SYT1: variants seen among roughly 807,000 people sequenced by gnomAD.
The protein encoded by SYT1 is synaptotagmin 1.
Under a neutral mutation model 44.8 loss-of-function variants are expected in SYT1, and 8 were observed. The observed-to-expected ratio is 0.18, with a 90% CI of 0.10 to 0.32. The LOEUF (loss-of-function observed/expected upper bound fraction) is 0.32, where lower values mean the gene tolerates loss of function less well. Ranked by LOEUF, SYT1 falls within the 10% of genes least tolerant of loss-of-function variation. SYT1 has a pLI of 1.00. For missense variants in SYT1, 286 were observed against 509.3 expected (o/e 0.56, Z 4.22); for synonymous variants, 154 against 188.8 (o/e 0.82, Z 1.51).
At chr12:78,959,656 A>C (rs958557483) in intron 1 of SYT1, among the ~76,000 whole-genome samples, 3 of 152,198 alleles carry the variant, frequency 2.0e-5, no homozygotes, top group Non-Finnish European at 2.9e-5. Context: ...CTAGCCTCTT[A>C]TTACAAACAA....
chr12:78,981,877 A>G (rs529828010), intron 2 of SYT1, among the ~76,000 whole-genome samples: 26 of 152,160 alleles, frequency 1.7e-4, no homozygotes, highest in Middle Eastern at 6.8e-3. Context: ...ACCATTTCTC[A>G]TTTATTTTCT....
At position 79,276,630 on chromosome 12, in the gene SYT1, C is replaced by A. The variant is rs146055895; in HGVS notation, c.167-9157C>A. Among the ~76,000 whole-genome samples the A allele has an allele frequency of 4.0e-3, 595 of 150,300 alleles. 4 individuals are homozygous for A. Among genetic ancestry groups the A allele is most frequent in the African/African-American group, 0.013 (550 of 40,878 alleles). On this transcript the variant is annotated intron_variant, in intron 4 of 10. Coordinates refer to ENST00000261205, the MANE Select transcript of SYT1 (RefSeq NM_005639.3). ...GGCAGAGGTTGCAGTGAGCTAAGAT[C>A]GCGCCACTGCACTCTAGCCTGGTGA...
intron 3 of SYT1, among the ~76,000 whole-genome samples, chr12:79,157,375 GA>G (rs1249181739): frequency 6.6e-6 from 1 of 152,130 alleles, no homozygotes; most frequent in Non-Finnish European, 1.5e-5. Context: ...GACACTAGGT[GA>G]AAAAACCAAA....
chr12:79,345,621 A>C (rs1373595298), intron 8 of SYT1, among the ~76,000 whole-genome samples: 1 of 152,230 alleles, frequency 6.6e-6, no homozygotes, highest in Non-Finnish European at 1.5e-5. Flanking sequence ...GCCTGAACAC[A>C]TTACACAGCA....
intron 3 of SYT1, among the ~76,000 whole-genome samples, chr12:79,163,223 C>A (rs1871053703): frequency 6.6e-6 from 1 of 152,080 alleles, no homozygotes; most frequent in African/African-American, 2.4e-5. Flanking sequence ...AGAACTCCAG[C>A]CTTAAGTCCT....
intron 9 of SYT1, among the ~76,000 whole-genome samples, chr12:79,418,939 G>C (rs61927384): frequency 1.3e-5 from 2 of 152,070 alleles, no homozygotes; most frequent in Admixed American, 1.3e-4. Context: ...AGAATTTCTG[G>C]GGGAATGGCC....
intron 2 of SYT1, among the ~76,000 whole-genome samples, chr12:79,033,657 AC>A (rs1445027430): frequency 6.6e-6 from 1 of 151,344 alleles, no homozygotes; most frequent in Non-Finnish European, 1.5e-5. Context: ...CTTCATAAGT[AC>A]TCCAACTTCC....
chr12:78,905,829 A>G (rs974579452), intron 1 of SYT1, among the ~76,000 whole-genome samples: 1 of 152,190 alleles, frequency 6.6e-6, no homozygotes, highest in Non-Finnish European at 1.5e-5. Context: ...GTTGTAAATA[A>G]TGTAAAATCT....
intron 1 of SYT1, among the ~76,000 whole-genome samples, chr12:78,961,917 CCAAT>C (rs1879524892): frequency 6.6e-6 from 1 of 152,062 alleles, no homozygotes; most frequent in Non-Finnish European, 1.5e-5. Context: ...TTACTAAGAA[CCAAT>C]CAAAGATAAA....
Position 78,970,921 on chromosome 12 carries a change from G to A in SYT1, c.-216-6878G>A, listed in dbSNP as rs369817598. ...TGAAATCAAGAATTATAGCTAAGTA[G>A]GTGGATCACCTGAGGTCAAGAGCTC... is the stretch of plus-strand genomic sequence containing the variant. On this transcript the variant is annotated intron_variant, in intron 1 of 10. Coordinates refer to ENST00000261205, the MANE Select transcript of SYT1 (RefSeq NM_005639.3). Among the ~76,000 whole-genome samples, 23 of 152,242 alleles carry A rather than the reference G, an allele frequency of 1.5e-4. 1 individual carries two copies. Among genetic ancestry groups the A allele is most frequent in the Admixed American group, 7.2e-4 (11 of 15,286 alleles).
At chr12:79,250,452 A>G (rs1490869174) in intron 4 of SYT1, among the ~76,000 whole-genome samples, 1 of 152,256 alleles carries the variant, frequency 6.6e-6, no homozygotes, top group African/African-American at 2.4e-5. Flanking sequence ...GTCCAGCAAG[A>G]ACAGACCACT....
chr12:79,128,618 A>G (rs1868596482), intron 3 of SYT1, among the ~76,000 whole-genome samples: 1 of 152,256 alleles, frequency 6.6e-6, no homozygotes, highest in African/African-American at 2.4e-5. Context: ...TATTAAAATC[A>G]TCAACATGCC....
At chr12:79,071,009 C>T (rs767049328) in intron 3 of SYT1, among the ~76,000 whole-genome samples, 66 of 152,232 alleles carry the variant, frequency 4.3e-4, no homozygotes, top group Non-Finnish European at 7.6e-4. Context: ...ACTCAAACCT[C>T]GGTTCCCCTC....
chr12:78,965,633 A>G (rs774183745), intron 1 of SYT1, among the ~76,000 whole-genome samples: 1 of 152,150 alleles, frequency 6.6e-6, no homozygotes, highest in South Asian at 2.1e-4. Context: ...CAGGAGGCTT[A>G]ATGGGGCTCA....
Position 79,290,676 on chromosome 12 carries a change from G to A in SYT1, c.352-1332G>A, listed in dbSNP as rs140104365. Among the ~76,000 whole-genome samples, 463 of 152,226 alleles carry A rather than the reference G, an allele frequency of 3.0e-3. 2 individuals carry two copies. Among genetic ancestry groups the A allele is most frequent in the African/African-American group, 0.01 (431 of 41,532 alleles). ...TCTGTGAGATTCTACAGTAATACAT[G>A]CATGCATACACATATACAAAAATAG... On this transcript the variant is annotated intron_variant, in intron 5 of 10. Coordinates refer to ENST00000261205, the MANE Select transcript of SYT1 (RefSeq NM_005639.3).
chr12:79,400,818 G>A (rs991890049), intron 9 of SYT1, among the ~76,000 whole-genome samples: 5 of 152,174 alleles, frequency 3.3e-5, no homozygotes, highest in African/African-American at 9.7e-5. Context: ...AGTGCATTTG[G>A]TTTCCATGGA....
At chr12:79,247,613 CCACCTA>C (rs1235215785) in intron 4 of SYT1, among the ~76,000 whole-genome samples, 1 of 152,108 alleles carries the variant, frequency 6.6e-6, no homozygotes, top group Non-Finnish European at 1.5e-5. Flanking sequence ...TGTTTAGCAA[CCACCTA>C]CACATTGGCC....
chr12:79,139,801 A>C (rs1869442797), intron 3 of SYT1, among the ~76,000 whole-genome samples: 1 of 152,224 alleles, frequency 6.6e-6, no homozygotes, highest in South Asian at 2.1e-4. Context: ...CCACTGGATA[A>C]CCCAGTGAGC....
chr12:79,256,841 A>C (rs1877547053), intron 4 of SYT1, among the ~76,000 whole-genome samples: 1 of 152,176 alleles, frequency 6.6e-6, no homozygotes, highest in African/African-American at 2.4e-5. Context: ...AATATTACAA[A>C]ATGTACTTAC....
Sources: gnomAD v4.1 joint callset for allele counts (sites outside exome capture counted in the v4.1 genomes callset) on GRCh38, gnomAD v4.1.1 for gene constraint, MANE v1.5 for transcripts, NCBI Gene and HGNC (gene_info 2026-07-23, HGNC 2026-07-21) for gene names.